Variants in VPS13C observed in about 807,000 individuals in gnomAD.
VPS13C encodes intermembrane lipid transfer protein VPS13C.
VPS13C carries 358 observed loss-of-function variants against 456.8 expected under a neutral mutation model. That is an observed-to-expected ratio of 0.78 (90% CI 0.72 to 0.86). VPS13C has a LOEUF of 0.86. VPS13C is among the 40% of genes least tolerant of loss of function. The pLI is 0.00. For synonymous variants in VPS13C, 1,578 were observed against 1,486.7 expected, an observed-to-expected ratio of 1.06 and a Z score of -1.41; for missense variants, 4,818 against 4,385.4, an observed-to-expected ratio of 1.10 and a Z score of -2.79.
Position 62,060,370 on chromosome 15 carries a change from AC to A in VPS13C, c.4del (p.Val2CysfsTer10). 1 of 1,572,208 alleles carries A rather than the reference AC, an allele frequency of 6.4e-7. No homozygotes were observed. The highest frequency in any genetic ancestry group is 8.7e-7 in the Non-Finnish European group (1 of 1,155,188). M[V>X]LESVVADLLN... ...CAAGTCCGCGACCACCGACTCCAGC[AC>A]CATGGTGGCGCTGAGGCACAAGGAG... On this transcript the variant is annotated frameshift_variant, in exon 1 of 85. Coordinates refer to ENST00000644861, the MANE Select transcript of VPS13C (RefSeq NM_020821.3). LOFTEE classifies it high-confidence loss of function.
At chr15:62,030,742 C>T (rs942085988) in intron 5 of VPS13C, among the ~76,000 whole-genome samples, 1 of 151,922 alleles carries the variant, frequency 6.6e-6, no homozygotes, top group African/African-American at 2.4e-5. Context: ...AAGTAAACTC[C>T]GTGACTACCA....
intron 32 of VPS13C, 85 bp from the exon 33 acceptor site, chr15:61,962,937 G>A (rs1397576863): frequency 2.0e-6 from 2 of 988,988 alleles, no homozygotes; most frequent in Non-Finnish European, 2.8e-6. Flanking sequence ...TTATTTTGGG[G>A]TGACTTTTTT....
chr15:61,996,960 G>C (rs2046404999), intron 16 of VPS13C, among the ~76,000 whole-genome samples: 1 of 146,994 alleles, frequency 6.8e-6, no homozygotes, highest in African/African-American at 2.6e-5. Context: ...TTATACATAT[G>C]GCTGTTTTCA....
At chr15:61,969,056 G>A (rs2045466792) in intron 28 of VPS13C, among the ~76,000 whole-genome samples, 1 of 152,070 alleles carries the variant, frequency 6.6e-6, no homozygotes, top group Non-Finnish European at 1.5e-5. Flanking sequence ...CTAGCCCTGT[G>A]ACAATTAGTA....
At position 61,949,621 on chromosome 15, in the gene VPS13C, A is replaced by AT. The variant is rs2044719694; in HGVS notation, c.4597-17dup. ...CAAATGAAACCTAAGATAATGAACA[A>AT]TTAAAGAGGCAGATTTCAGATGCAG... On this transcript the variant is annotated splice_polypyrimidine_tract_variant and intron_variant, in intron 41 of 84. Transcript: ENST00000644861. The AT allele has an allele frequency of 6.3e-7, 1 of 1,584,030 alleles. No homozygotes were observed. Among genetic ancestry groups the AT allele is most frequent in the East Asian group, 2.2e-5 (1 of 44,510 alleles).
intron 8 of VPS13C, among the ~76,000 whole-genome samples, chr15:62,023,122 A>G (rs930770481): frequency 1.3e-5 from 2 of 151,950 alleles, no homozygotes; most frequent in African/African-American, 4.8e-5. Context: ...CCTTAAAGTT[A>G]TAATATTATG....
At chr15:62,018,272 CT>C (rs2047331281) in intron 9 of VPS13C, among the ~76,000 whole-genome samples, 1 of 152,042 alleles carries the variant, frequency 6.6e-6, no homozygotes, top group South Asian at 2.1e-4. Context: ...ATTGAATACC[CT>C]TTATTTCTTT....
Position 62,013,134 on chromosome 15 carries a change from T to A in VPS13C, c.745-15A>T. 2.5e-6 allele frequency: 4 copies of A among 1,578,038 alleles called. No homozygotes were observed. The highest frequency in any genetic ancestry group is 3.5e-6 in the Non-Finnish European group (4 of 1,159,048). The stretch of plus-strand genomic sequence containing the variant: ...AGTCGTATAAGCTATAAGAGAAAAA[T>A]GAAAGAGATCAGGCAATCAACACAC... On this transcript the variant is annotated splice_polypyrimidine_tract_variant and intron_variant, in intron 10 of 84. Coordinates refer to ENST00000644861, the MANE Select transcript of VPS13C (RefSeq NM_020821.3).
At chr15:62,031,270 T>C (rs2047811675) in intron 5 of VPS13C, among the ~76,000 whole-genome samples, 1 of 152,086 alleles carries the variant, frequency 6.6e-6, no homozygotes, top group Non-Finnish European at 1.5e-5. Context: ...ATCTGCTACT[T>C]AGAGTTGAAT....
chr15:61,967,388 A>G lies in VPS13C; in HGVS notation c.2971T>C (p.Leu991=), dbSNP rs1358846923. Reference sequence around the variant, plus strand: ...CTTACCTTAATATACTCCACTTTCAAAAGATCTAATCCAGGTTTGTCAGAA... The same window carrying G: ...CTTACCTTAATATACTCCACTTTCAGAAGATCTAATCCAGGTTTGTCAGAA... ...SSSDKPGLDL[L]KVEYIKADKN... Residue 991 remains leucine (L), a synonymous_variant, in exon 29 of 85, where the codon TTG becomes CTG. Transcript: ENST00000644861. The G allele has an allele frequency of 6.2e-7, 1 of 1,607,470 alleles. No homozygotes were observed.
At chr15:62,015,303 T>C (rs1473577124) in intron 9 of VPS13C, among the ~76,000 whole-genome samples, 4 of 152,152 alleles carry the variant, frequency 2.6e-5, no homozygotes, top group Non-Finnish European at 4.4e-5. Flanking sequence ...ATGTTGTAGG[T>C]TGCCTGTTCA....
At chr15:61,878,573 C>T (rs1284783919) in intron 74 of VPS13C, 34 bp downstream of exon 74, 2 of 1,597,498 alleles carry the variant, frequency 1.3e-6, no homozygotes, top group South Asian at 1.1e-5. Flanking sequence ...CCTTGGTACA[C>T]CTGCTTCTCA....
chr15:62,007,230 T>G, intron 15 of VPS13C, 78 bp downstream of exon 15: 1 of 1,092,670 alleles, frequency 9.2e-7, no homozygotes, highest in Non-Finnish European at 1.2e-6. Context: ...AATTATTTTT[T>G]GATTCAAATT....
At chr15:62,021,433 T>C (rs2047456632) in intron 8 of VPS13C, among the ~76,000 whole-genome samples, 1 of 151,944 alleles carries the variant, frequency 6.6e-6, no homozygotes, top group South Asian at 2.1e-4. Context: ...CCAAAATCTG[T>C]CAACATTAAG....
chr15:61,869,671 G>C (rs753130788), intron 79 of VPS13C, 48 bp from the exon 80 acceptor site: 2 of 1,606,708 alleles, frequency 1.2e-6, no homozygotes, highest in East Asian at 2.2e-5. Flanking sequence ...TTTTAAATGA[G>C]CAAGTTTGAG....
chr15:61,996,811 G>C (rs1356496181), intron 16 of VPS13C, among the ~76,000 whole-genome samples: 1 of 148,994 alleles, frequency 6.7e-6, no homozygotes, highest in Non-Finnish European at 1.5e-5. Flanking sequence ...TAGCCTTAGA[G>C]AGAGAAAAAA....
chr15:61,873,122 A>G (rs1895157292), intron 78 of VPS13C, 124 bp downstream of exon 78: 1 of 1,416,990 alleles, frequency 7.1e-7, no homozygotes. Context: ...GAAGTCCATC[A>G]TTTATCATTC....
At chr15:62,059,951 C>T (rs2048939018) in intron 1 of VPS13C, among the ~76,000 whole-genome samples, 1 of 152,212 alleles carries the variant, frequency 6.6e-6, no homozygotes, top group Non-Finnish European at 1.5e-5. Context: ...TGCTGTAGGG[C>T]CAAAGGGGCC....
In VPS13C at chr15:61,981,472, G is replaced by GT. The variant is rs1567070953; in HGVS notation, c.2035dup (p.Thr679AsnfsTer5). On this transcript the variant is annotated frameshift_variant, in exon 22 of 85. Coordinates refer to ENST00000644861, the MANE Select transcript of VPS13C (RefSeq NM_020821.3). LOFTEE classifies it high-confidence loss of function. ...GACTTTTCGAGTTTCAATAATATGT[G>GT]TAAGTCCTAAAGACGTAAGAAATAA... The GT allele has an allele frequency of 6.3e-7, 1 of 1,599,310 alleles. No individual in the cohort carries two copies. The highest frequency in any genetic ancestry group is 1.8e-5 in the Admixed American group (1 of 56,400).
Sources: gnomAD v4.1 joint callset for allele counts (sites outside exome capture counted in the v4.1 genomes callset) on GRCh38, gnomAD v4.1.1 for gene constraint, MANE v1.5 for transcripts, NCBI Gene and HGNC (gene_info 2026-07-23, HGNC 2026-07-21) for gene names.